RPS6KL1: variants seen among roughly 807,000 people sequenced by gnomAD.
The protein encoded by RPS6KL1 is ribosomal protein S6 kinase-like 1.
In RPS6KL1, 41 loss-of-function variants were observed where a neutral mutation model predicts 57.0. The observed-to-expected ratio is 0.72, with a 90% CI of 0.56 to 0.93. RPS6KL1 has a LOEUF of 0.93. RPS6KL1 is among the 40% of genes least tolerant of loss of function. The pLI is 0.00. For missense variants in RPS6KL1, 697 were observed against 727.7 expected, an observed-to-expected ratio of 0.96 and a Z score of 0.49; for synonymous variants, 287 against 309.7, an observed-to-expected ratio of 0.93 and a Z score of 0.77.
intron 5 of RPS6KL1, among the ~76,000 whole-genome samples, chr14:74,915,676 T>C (rs1487242741): frequency 6.6e-6 from 1 of 152,152 alleles, no homozygotes; most frequent in Non-Finnish European, 1.5e-5. Context: ...CATCTCCTCC[T>C]CCACTCCCTG....
chr14:74,909,914 C>G lies in RPS6KL1; in HGVS notation c.899G>C (p.Arg300Thr). Reference sequence around the variant, plus strand: ...GGCTGTGGGTTCACCTTCAGCCTCCCTCTGGGGTCTGGTGGATGGGGCCTC... The same window carrying G: ...GGCTGTGGGTTCACCTTCAGCCTCCGTCTGGGGTCTGGTGGATGGGGCCTC... The part of the protein sequence containing the change: ...AGEAPSTRPQ[R>T]EAEGEPTART... The change falls in exon 8 of 12, where the codon AGG becomes ACG. Residue 300 changes from arginine (R) to threonine (T), a missense_variant. By Grantham distance (71) the Arg-to-Thr change is moderately conservative. Coordinates refer to ENST00000557413, the MANE Select transcript of RPS6KL1 (RefSeq NM_031464.5). 6.2e-7 allele frequency: 1 copy of G among 1,614,120 alleles called. No homozygotes were observed. Among genetic ancestry groups the G allele is most frequent in the Non-Finnish European group, 8.5e-7 (1 of 1,179,980 alleles).
At position 74,908,369 on chromosome 14, in the gene RPS6KL1, G is replaced by A. The variant is rs561537504; in HGVS notation, c.1443+481C>T. On this transcript the variant is annotated intron_variant, in intron 10 of 11. Transcript: ENST00000557413. ...TTGCAACCTGCAAACACAGGTTCCC[G>A]GAGTGTTTGCAGGGGGATCTTTTGA... is the stretch of plus-strand genomic sequence containing the variant. 6.6e-5 allele frequency among the ~76,000 whole-genome samples: 10 copies of A among 152,212 alleles called. No individual in the cohort carries two copies. In the East Asian group the frequency reaches 1.5e-3, roughly 24 times the overall value.
intron 8 of RPS6KL1, 75 bp downstream of exon 8, chr14:74,909,468 C>T (rs889915189): frequency 6.6e-6 from 10 of 1,507,420 alleles, no homozygotes; most frequent in Admixed American, 2.2e-5. Context: ...GAGGTCCCCT[C>T]GACTTTGGGG....
chr14:74,905,867 G>A lies in RPS6KL1; in HGVS notation c.*1147C>T, dbSNP rs1386286271. 1 of 153,288 alleles carries A rather than the reference G, an allele frequency of 6.5e-6. No individual in the cohort carries two copies. Among genetic ancestry groups the A allele is most frequent in the Non-Finnish European group, 1.5e-5 (1 of 68,824 alleles). The allele number at this position is 153,288 out of a possible 1,614,324, so 9.5% of individuals were successfully genotyped here. A position where few individuals can be genotyped will look rare whatever the true frequency, so the allele number is the denominator to read the frequency against. On this transcript the variant is annotated 3_prime_UTR_variant, in exon 12 of 12. Transcript: ENST00000557413. ...CGTGTCAGAAGCGCCACCTGGTGGT[G>A]ACTGGGATGCTGGCAGGGAGGAGCT...
chr14:74,921,777 CTTTT>C (rs57626529), intron 2 of RPS6KL1, 197 bp downstream of exon 2: 979 of 834,346 alleles, frequency 1.2e-3, no homozygotes, highest in South Asian at 2.6e-3. Flanking sequence ...GTTTTCTTTT[CTTTT>C]TTTTTTTTTT....
At chr14:74,918,641 G>A (rs1368780825) in intron 4 of RPS6KL1, 36 bp from the exon 5 acceptor site, 2 of 1,487,462 alleles carry the variant, frequency 1.3e-6, no homozygotes, top group Admixed American at 4.0e-5. Flanking sequence ...CACAGCCTCA[G>A]GGCCGAGCCC....
At chr14:74,910,392 T>C (rs763794972) in intron 7 of RPS6KL1, 1 of 395,376 alleles carries the variant, frequency 2.5e-6, no homozygotes, top group Non-Finnish European at 4.5e-6. Flanking sequence ...CACCGAGAGA[T>C]GTCCAGCACT....
At chr14:74,921,014 C>T (rs1305255024) in intron 3 of RPS6KL1, among the ~76,000 whole-genome samples, 2 of 152,240 alleles carry the variant, frequency 1.3e-5, no homozygotes, top group African/African-American at 4.8e-5. Context: ...CTTGGAACAA[C>T]ATACAACAAC....
At chr14:74,920,681 G>C (rs1381447723) in intron 3 of RPS6KL1, among the ~76,000 whole-genome samples, 1 of 152,224 alleles carries the variant, frequency 6.6e-6, no homozygotes, top group Non-Finnish European at 1.5e-5. Flanking sequence ...CTAACATCTA[G>C]AAAATGCTCT....
Position 74,918,588 on chromosome 14 carries a change from C to G in RPS6KL1, c.408G>C (p.Arg136Ser). ...AGCTCAGCGTGCGAATGGGCCGGAGCCTCAGGCTGCTGAAACCCTGCAGAG... is the reference window on the plus strand; with the variant it reads ...AGCTCAGCGTGCGAATGGGCCGGAGGCTCAGGCTGCTGAAACCCTGCAGAG... The part of the protein sequence containing the change: ...ASPSAGFSSL[R>S]LRPIRTLSSA... The change falls in exon 5 of 12, where the codon AGG (arginine) becomes AGC (serine). Residue 136 changes from arginine (R) to serine (S), a missense_variant. Coordinates refer to ENST00000557413, the MANE Select transcript of RPS6KL1 (RefSeq NM_031464.5). 3.9e-6 allele frequency: 6 copies of G among 1,534,286 alleles called. No homozygotes were observed. In the East Asian group the frequency reaches 1.5e-4, roughly 38 times the overall value.
rs1196989570 is a variant in RPS6KL1 at position 74,922,210 on chromosome 14, C to G, written c.-253G>C. 1 of 987,168 alleles carries G rather than the reference C, an allele frequency of 1.0e-6. No homozygotes were observed. The highest frequency in any genetic ancestry group is 1.2e-6 in the Non-Finnish European group (1 of 831,150). The allele number at this position is 987,168 out of a possible 1,614,324, so 61.2% of individuals were successfully genotyped here. A position where few individuals can be genotyped will look rare whatever the true frequency, so the allele number is the denominator to read the frequency against. On this transcript the variant is annotated 5_prime_UTR_variant, in exon 2 of 12. Transcript: ENST00000557413. Reference sequence around the variant, plus strand: ...CCACCTTCACAGGGCCTCCGTAGAGCAAGCTTGGTATCCAGTACGCATTCA... The same window carrying G: ...CCACCTTCACAGGGCCTCCGTAGAGGAAGCTTGGTATCCAGTACGCATTCA...
At chr14:74,922,818 G>C (rs1157931553) in intron 1 of RPS6KL1, among the ~76,000 whole-genome samples, 1 of 152,252 alleles carries the variant, frequency 6.6e-6, no homozygotes, top group African/African-American at 2.4e-5. Context: ...AAAGAGGAGA[G>C]AGCAGGATGG....
chr14:74,921,238 T>TGGCCCCCCCCCCCCCCCCC, intron 3 of RPS6KL1, 39 bp downstream of exon 3: 4 of 840,180 alleles, frequency 4.8e-6, no homozygotes, highest in Non-Finnish European at 8.2e-6. Context: ...CACTGGCCCT[T>TGGCCCCCCCCCCCCCCCCC]CCCCACCCAC....
At position 74,921,215 on chromosome 14, in the gene RPS6KL1, AG is replaced by A. The variant is rs1887772840; in HGVS notation, c.265+61del. Reference sequence around the variant, plus strand: ...ACAGGGGACAAGACAGATGGGTGACAGGAAGAGCCCTGCACTGGCCCTTCCC... The same window carrying A: ...ACAGGGGACAAGACAGATGGGTGACAGAAGAGCCCTGCACTGGCCCTTCCC... On this transcript the variant is annotated intron_variant, in intron 3 of 11. Transcript: ENST00000557413. 7 of 1,422,516 alleles carry A rather than the reference AG, an allele frequency of 4.9e-6. No homozygotes were observed. The South Asian group carries it at 7.2e-5, about 15-fold the overall frequency. The allele number at this position is 1,422,516 out of a possible 1,614,324, so 88.1% of individuals were successfully genotyped here.
At position 74,911,250 on chromosome 14, in the gene RPS6KL1, T is replaced by C; in HGVS notation, c.662A>G (p.Gln221Arg). 6.2e-7 allele frequency: 1 copy of C among 1,611,880 alleles called. No individual in the cohort carries two copies. The highest frequency in any genetic ancestry group is 8.5e-7 in the Non-Finnish European group (1 of 1,179,958). Residue 221 changes from glutamine (Q) to arginine (R), a missense_variant and splice_region_variant, in exon 7 of 12, where the codon CAA becomes CGA. Physicochemically the swap from Gln to Arg is conservative, Grantham distance 43. Transcript: ENST00000557413. ...CAGGGGGCCCCAGGCCTGCTCACCTTGCACATGCTCCAGGTGCAGGAAGAT... is the reference window on the plus strand; with the variant it reads ...CAGGGGGCCCCAGGCCTGCTCACCTCGCACATGCTCCAGGTGCAGGAAGAT... Reference protein sequence around the residue: ...DSIFLHLEHVQGGTLWSHLLS... With the variant: ...DSIFLHLEHVRGGTLWSHLLS...
intron 5 of RPS6KL1, among the ~76,000 whole-genome samples, chr14:74,914,121 T>A (rs542273146): frequency 7.9e-5 from 12 of 152,350 alleles, no homozygotes; most frequent in African/African-American, 2.9e-4. Context: ...GTGGACTAGA[T>A]GAGAGCGCCC....
rs1464748807 is a variant in RPS6KL1, at chr14:74,909,616, C to T, written c.1197G>A (p.Ala399=). The T allele has an allele frequency of 7.4e-6, 12 of 1,612,252 alleles. No homozygotes were observed. The highest frequency in any genetic ancestry group is 3.3e-5 in the Admixed American group (2 of 60,020). ...VKQWAAEMLV[A]LEALHEQGVL... ...CCCCCTGCTCGTGCAGCGCCTCCAG[C>T]GCTACCAGCATCTCTGCCGCCCACT... Residue 399 remains alanine, a synonymous_variant, in exon 8 of 12, where the codon GCG becomes GCA. Transcript: ENST00000557413.
chr14:74,906,492 C>A lies in RPS6KL1; in HGVS notation c.*522G>T. The A allele has an allele frequency of 2.1e-6, 1 of 474,122 alleles. No homozygotes were observed. The highest frequency in any genetic ancestry group is 6.3e-5 in the East Asian group (1 of 15,964). 29.4% of individuals were successfully genotyped at this position (474,122 alleles called of 1,614,324 possible). ...ATGGCATCCCTGCTTCTGGGCCTCC[C>A]CAGCTGCACGAACAGCTTCTGGTGG... On this transcript the variant is annotated 3_prime_UTR_variant, in exon 12 of 12. Transcript: ENST00000557413.
chr14:74,907,247 C>G, intron 11 of RPS6KL1, 123 bp from the exon 12 acceptor site: 1 of 1,371,796 alleles, frequency 7.3e-7, no homozygotes. Context: ...CCACAGAACC[C>G]CCATTTTACC....
Sources: allele counts gnomAD v4.1 joint callset (sites outside exome capture counted in the v4.1 genomes callset), GRCh38; gene constraint gnomAD v4.1.1; transcripts MANE v1.5; gene names NCBI Gene and HGNC (gene_info 2026-07-23, HGNC 2026-07-21).